The following SNX14 variants were observed in gnomAD, a reference collection of about 807,000 sequenced individuals.
SNX14 encodes the protein sorting nexin 14.
Under a neutral mutation model 133.8 loss-of-function variants are expected in SNX14, and 93 were observed. The ratio of observed to expected loss-of-function variants is 0.70; its 90% CI spans 0.59 to 0.83. The LOEUF is 0.83. Ranked by LOEUF, SNX14 falls within the 40% of genes least tolerant of loss-of-function variation. The pLI is 0.00. For synonymous variants in SNX14, 368 were observed against 365.6 expected, an observed-to-expected ratio of 1.01 and a Z score of -0.07; for missense variants, 945 against 1,094.9, an observed-to-expected ratio of 0.86 and a Z score of 1.93.
chr6:85,552,123 G>A (rs1406475154), intron 7 of SNX14, among the ~76,000 whole-genome samples: 3 of 137,560 alleles, frequency 2.2e-5, no homozygotes, highest in Non-Finnish European at 4.6e-5. Flanking sequence ...TGCAAGCTCC[G>A]CCTCCCGGGT....
intron 18 of SNX14, among the ~76,000 whole-genome samples, chr6:85,531,783 T>C (rs1186441134): frequency 6.6e-6 from 1 of 152,150 alleles, no homozygotes; most frequent in Non-Finnish European, 1.5e-5. Context: ...CCTAGTACTC[T>C]AGGAGGCCAA....
chr6:85,537,883 C>T (rs1782441958), intron 16 of SNX14, among the ~76,000 whole-genome samples: 1 of 152,134 alleles, frequency 6.6e-6, no homozygotes. Context: ...CGCAAGATTG[C>T]ACCACTGCAC....
At chr6:85,592,177 C>A (rs1364387419) in intron 1 of SNX14, among the ~76,000 whole-genome samples, 2 of 152,228 alleles carry the variant, frequency 1.3e-5, no homozygotes, top group African/African-American at 4.8e-5. Context: ...TCAAACATCT[C>A]ACCATCACAG....
chr6:85,576,731 G>A (rs1291021685), intron 1 of SNX14, among the ~76,000 whole-genome samples: 2 of 152,138 alleles, frequency 1.3e-5, no homozygotes, highest in Non-Finnish European at 2.9e-5. Context: ...TGTTTCTGGG[G>A]CCCAGCTACA....
At position 85,543,282 on chromosome 6, in the gene SNX14, A is replaced by G; in HGVS notation, c.1289T>C (p.Val430Ala). 6.3e-7 allele frequency: 1 copy of G among 1,590,724 alleles called. No homozygotes were observed. Among genetic ancestry groups the G allele is most frequent in the Non-Finnish European group, 8.5e-7 (1 of 1,172,246 alleles). Residue 430 changes from valine to alanine, a missense_variant, in exon 14 of 29, where the codon GTT becomes GCT. Val to Ala is a moderately conservative substitution (Grantham distance 64). Around this residue, in one of 3 missense-constraint regions of SNX14, gnomAD observed 514 missense variants for 538.8 expected, o/e 0.95. Coordinates refer to ENST00000314673, the MANE Select transcript of SNX14 (RefSeq NM_153816.6). ...QRIAEGPYID[V>A]VKLQTMRCLF... ...ACATCTCATAGTTTGAAGTTTCACA[A>G]CATCTATGTATGGGCCTTCAGCAAC...
At chr6:85,584,255 G>A (rs926614949) in intron 1 of SNX14, among the ~76,000 whole-genome samples, 1 of 152,056 alleles carries the variant, frequency 6.6e-6, no homozygotes, top group Non-Finnish European at 1.5e-5. Context: ...AAATAAAGAT[G>A]GATTAAACAC....
At chr6:85,558,512 C>T (rs1790475814) in intron 6 of SNX14, among the ~76,000 whole-genome samples, 1 of 152,100 alleles carries the variant, frequency 6.6e-6, no homozygotes, top group Non-Finnish European at 1.5e-5. Context: ...AGCTGCCCAG[C>T]CTGGAGAGCA....
chr6:85,536,769 T>A (rs1479193350), intron 17 of SNX14, 23 bp downstream of exon 17: 5 of 1,599,504 alleles, frequency 3.1e-6, no homozygotes, highest in Non-Finnish European at 4.3e-6. Context: ...TATAAATAAA[T>A]CAAATTGATA....
Position 85,514,593 on chromosome 6 carries a change from C to T in SNX14, c.2305G>A (p.Ala769Thr), listed in dbSNP as rs1020726038. The change falls in exon 24 of 29, where the codon GCT becomes ACT. Residue 769 changes from alanine (A) to threonine (T), a missense_variant. Ala to Thr is a moderately conservative substitution (Grantham distance 58). Around this residue, in one of 3 missense-constraint regions of SNX14, gnomAD observed 412 missense variants for 516.6 expected, o/e 0.80. Transcript: ENST00000314673. The stretch of plus-strand genomic sequence containing the variant: ...TTTTGCTTTCTCTCTGTATTTTCAG[C>T]ACGGTTTGCATTATTTTTAAACAGA... ...NDLFKNNANR[A>T]ENTERKQNQN... 1.9e-6 allele frequency: 3 copies of T among 1,612,550 alleles called. No individual in the cohort carries two copies. The highest frequency in any genetic ancestry group is 2.5e-6 in the Non-Finnish European group (3 of 1,179,228).
At chr6:85,578,749 T>C (rs1448570875) in intron 1 of SNX14, among the ~76,000 whole-genome samples, 2 of 151,930 alleles carry the variant, frequency 1.3e-5, no homozygotes, top group African/African-American at 4.8e-5. Flanking sequence ...GAAAGCAGGG[T>C]CAGGAGACTG....
At chr6:85,525,704 G>A (rs1318318665) in intron 21 of SNX14, among the ~76,000 whole-genome samples, 3 of 152,060 alleles carry the variant, frequency 2.0e-5, no homozygotes, top group Non-Finnish European at 4.4e-5. Context: ...ATAACTTAAA[G>A]ACGTGGAAAA....
chr6:85,572,119 A>C lies in SNX14; in HGVS notation c.417+18T>G. On this transcript the variant is annotated intron_variant, in intron 4 of 28. Transcript: ENST00000314673. ...GCATTTAACATTTTCTGTTAATAAT[A>C]TTAATTAAATCAGTTACCTCTGAGA... 5 of 1,568,644 alleles carry C rather than the reference A, an allele frequency of 3.2e-6. No individual in the cohort carries two copies. Among genetic ancestry groups the C allele is most frequent in the Non-Finnish European group, 4.3e-6 (5 of 1,149,762 alleles).
chr6:85,591,564 CT>C (rs1802761169), intron 1 of SNX14, among the ~76,000 whole-genome samples: 1 of 152,148 alleles, frequency 6.6e-6, no homozygotes, highest in Non-Finnish European at 1.5e-5. Flanking sequence ...CATCCTATGA[CT>C]TTTTAATAAC....
intron 7 of SNX14, among the ~76,000 whole-genome samples, chr6:85,557,208 C>T (rs1161275851): frequency 6.6e-6 from 1 of 152,122 alleles, no homozygotes; most frequent in South Asian, 2.1e-4. Flanking sequence ...AAAAAGAATA[C>T]CAAATGCGAA....
intron 7 of SNX14, among the ~76,000 whole-genome samples, chr6:85,552,920 C>T (rs1237980609): frequency 6.6e-6 from 1 of 152,242 alleles, no homozygotes; most frequent in South Asian, 2.1e-4. Flanking sequence ...CTCTTTGAAT[C>T]CACCTGTCAC....
In SNX14 at chr6:85,572,865, G is replaced by A. The variant is rs566663332; in HGVS notation, c.262-491C>T. On this transcript the variant is annotated intron_variant, in intron 2 of 28. Coordinates refer to ENST00000314673, the MANE Select transcript of SNX14 (RefSeq NM_153816.6). Reference sequence around the variant, plus strand: ...TCCCAGCTACCCAGGAGGCTGAGGTGGGAGGATCACCTGAGCTCAGGAGTT... The same window carrying A: ...TCCCAGCTACCCAGGAGGCTGAGGTAGGAGGATCACCTGAGCTCAGGAGTT... Among the ~76,000 whole-genome samples the A allele has an allele frequency of 1.1e-4, 16 of 152,224 alleles. 1 individual carries two copies. Among genetic ancestry groups the A allele is most frequent in the Admixed American group, 1.0e-3 (16 of 15,288 alleles).
In SNX14 at chr6:85,530,259, T is replaced by C. The variant is rs750457322; in HGVS notation, c.1827A>G (p.Glu609=). 4.4e-6 allele frequency: 7 copies of C among 1,600,044 alleles called. No homozygotes were observed. The African/African-American group carries it at 9.4e-5, about 22-fold the overall frequency. The part of the protein sequence containing the change: ...NDRRAVGHEP[E]HWSVYRRYLE... The stretch of plus-strand genomic sequence containing the variant: ...GATATCTTCTATAGACAGACCAATG[T>C]TCAGGCTCGTGTCCAACTGTAAATT... The change falls in exon 19 of 29, where the codon GAA becomes GAG. Residue 609 remains glutamate, a synonymous_variant. Coordinates refer to ENST00000314673, the MANE Select transcript of SNX14 (RefSeq NM_153816.6).
chr6:85,561,832 T>G (rs1294282008), intron 6 of SNX14, among the ~76,000 whole-genome samples: 1 of 151,914 alleles, frequency 6.6e-6, no homozygotes, highest in Non-Finnish European at 1.5e-5. Flanking sequence ...TTTGTTTTTT[T>G]TTTTTTCCTT....
At chr6:85,556,722 G>T (rs916480369) in intron 7 of SNX14, among the ~76,000 whole-genome samples, 2 of 151,540 alleles carry the variant, frequency 1.3e-5, no homozygotes, top group Non-Finnish European at 2.9e-5. Flanking sequence ...CAAAGTGCTG[G>T]GATTACAGGC....
Sources: gnomAD v4.1 joint callset for allele counts (sites outside exome capture counted in the v4.1 genomes callset) on GRCh38, gnomAD v4.1.1 for gene constraint, gnomAD v4.1.1 regional missense constraint, MANE v1.5 for transcripts, NCBI Gene and HGNC (gene_info 2026-07-23, HGNC 2026-07-21) for gene names.